The following JAM2 variants were observed in gnomAD, a reference collection of about 807,000 sequenced individuals.
JAM2 encodes the protein junctional adhesion molecule 2.
JAM2 carries 17 observed loss-of-function variants against 42.0 expected under a neutral mutation model. That is an observed-to-expected ratio of 0.40 (90% confidence interval 0.28 to 0.61). The LOEUF is 0.61. Among genes scored for constraint, JAM2 ranks in the 20% least tolerant of loss-of-function variants. The pLI is 0.37. For missense variants in JAM2, 319 were observed against 358.3 expected, an observed-to-expected ratio of 0.89 and a Z score of 0.89; for synonymous variants, 118 against 128.6, an observed-to-expected ratio of 0.92 and a Z score of 0.56.
At chr21:25,695,133 C>A (rs949837120) in intron 4 of JAM2, among the ~76,000 whole-genome samples, 5 of 152,068 alleles carry the variant, frequency 3.3e-5, no homozygotes, top group African/African-American at 9.7e-5. Context: ...TGCGGCCTTC[C>A]GCAGTGTTTG....
At chr21:25,705,875 G>A (rs2034259888) in intron 6 of JAM2, 104 bp from the exon 7 acceptor site, 1 of 748,128 alleles carries the variant, frequency 1.3e-6, no homozygotes, top group Non-Finnish European at 2.4e-6. Context: ...TATGCTTTAT[G>A]ATATAGCTGC....
intron 6 of JAM2, among the ~76,000 whole-genome samples, chr21:25,704,917 G>C (rs1164440472): frequency 6.6e-6 from 1 of 152,170 alleles, no homozygotes; most frequent in Non-Finnish European, 1.5e-5. Context: ...GAAATGTTAA[G>C]CTTGGAAGGT....
At chr21:25,705,438 A>G (rs2034251829) in intron 6 of JAM2, among the ~76,000 whole-genome samples, 2 of 151,912 alleles carry the variant, frequency 1.3e-5, no homozygotes, top group Non-Finnish European at 2.9e-5. Flanking sequence ...GATTCTTGCT[A>G]TGTTGCCTAG....
At chr21:25,664,297 G>A (rs936847864) in intron 1 of JAM2, among the ~76,000 whole-genome samples, 3 of 151,900 alleles carry the variant, frequency 2.0e-5, no homozygotes, top group Non-Finnish European at 4.4e-5. Flanking sequence ...GTGCAGTGGC[G>A]TGATCTCGGC....
intron 1 of JAM2, among the ~76,000 whole-genome samples, chr21:25,658,204 G>A (rs1225334895): frequency 6.6e-6 from 1 of 151,978 alleles, no homozygotes; most frequent in Non-Finnish European, 1.5e-5. Flanking sequence ...AATAGAAATT[G>A]ATAAAATGCA....
At chr21:25,670,194 T>C (rs1431743402) in intron 1 of JAM2, among the ~76,000 whole-genome samples, 1 of 152,140 alleles carries the variant, frequency 6.6e-6, no homozygotes, top group East Asian at 1.9e-4. Flanking sequence ...TTTCAAAAAT[T>C]TGACCTTGGC....
intron 1 of JAM2, among the ~76,000 whole-genome samples, chr21:25,677,589 G>T (rs1260797728): frequency 1.3e-5 from 2 of 152,142 alleles, no homozygotes; most frequent in Non-Finnish European, 2.9e-5. Flanking sequence ...ACTAAAGTTT[G>T]CCTGAAATGA....
At chr21:25,682,178 C>T (rs58083384) in intron 1 of JAM2, among the ~76,000 whole-genome samples, 16,366 of 152,144 alleles carry the variant, frequency 0.11, 1,008 homozygotes, top group East Asian at 0.29. Flanking sequence ...CTATAACAGG[C>T]GACAGACTTG....
intron 1 of JAM2, among the ~76,000 whole-genome samples, chr21:25,647,595 A>G (rs1484280856): frequency 6.6e-6 from 1 of 152,208 alleles, no homozygotes; most frequent in African/African-American, 2.4e-5. Flanking sequence ...AGTGGGAGCT[A>G]TTTTCTAACT....
intron 8 of JAM2, chr21:25,711,225 C>T (rs539310072): frequency 6.8e-6 from 2 of 294,814 alleles, no homozygotes; most frequent in Admixed American, 4.7e-5. Context: ...TTATCAGTAA[C>T]TGAATATTCA....
chr21:25,717,561 T>C lies in JAM2; in HGVS notation c.*2889T>C. 21 of 1,392,382 alleles carry C rather than the reference T, an allele frequency of 1.5e-5. No homozygotes were observed. The highest frequency in any genetic ancestry group is 2.0e-5 in the Non-Finnish European group (21 of 1,061,488). The allele number at this position is 1,392,382 out of a possible 1,614,324, so 86.3% of individuals were successfully genotyped here. A position where few individuals can be genotyped will look rare whatever the true frequency, so the allele number is the denominator to read the frequency against. Reference sequence around the variant, plus strand: ...CGATTAAAGTCTACACTAATAAAAATAGCTGAACTTGTTAAACTTTTTAGC... The same window carrying C: ...CGATTAAAGTCTACACTAATAAAAACAGCTGAACTTGTTAAACTTTTTAGC... On this transcript the variant is annotated 3_prime_UTR_variant, in exon 10 of 10. Coordinates refer to ENST00000480456, the MANE Select transcript of JAM2 (RefSeq NM_021219.4).
chr21:25,664,304 C>T (rs770662171), intron 1 of JAM2, among the ~76,000 whole-genome samples: 5 of 152,006 alleles, frequency 3.3e-5, no homozygotes, highest in Non-Finnish European at 7.4e-5. Context: ...GGCGTGATCT[C>T]GGCTCACCAC....
At chr21:25,650,211 G>A (rs538337080) in intron 1 of JAM2, among the ~76,000 whole-genome samples, 4 of 152,314 alleles carry the variant, frequency 2.6e-5, no homozygotes, top group South Asian at 4.1e-4. Context: ...CCATTGTAGA[G>A]CCTGATAAAG....
At chr21:25,656,472 C>A (rs866364665) in intron 1 of JAM2, among the ~76,000 whole-genome samples, 4 of 152,150 alleles carry the variant, frequency 2.6e-5, no homozygotes, top group Admixed American at 2.6e-4. Context: ...GTTCCTTTAG[C>A]CTTGAAGACC....
intron 5 of JAM2, among the ~76,000 whole-genome samples, chr21:25,700,533 G>A (rs1474133448): frequency 6.6e-6 from 1 of 152,088 alleles, no homozygotes; most frequent in Non-Finnish European, 1.5e-5. Context: ...GCAAATTTTT[G>A]TATTTTTAGT....
intron 1 of JAM2, among the ~76,000 whole-genome samples, chr21:25,672,041 G>A (rs1050673630): frequency 6.6e-6 from 1 of 152,074 alleles, no homozygotes; most frequent in Non-Finnish European, 1.5e-5. Context: ...CGTGGGAGGT[G>A]GAGAGAGTTT....
intron 1 of JAM2, among the ~76,000 whole-genome samples, chr21:25,679,961 T>G (rs749430234): frequency 6.6e-6 from 1 of 152,212 alleles, no homozygotes; most frequent in Non-Finnish European, 1.5e-5. Context: ...TGGCCATGTT[T>G]CTTACTCTCT....
Position 25,639,852 on chromosome 21 carries a change from C to A in JAM2, c.31C>A (p.Leu11Met), listed in dbSNP as rs761489000. Residue 11 changes from leucine to methionine, a missense_variant, in exon 1 of 10, where the codon CTG (leucine) becomes ATG (methionine). Coordinates refer to ENST00000480456, the MANE Select transcript of JAM2 (RefSeq NM_021219.4). ...GAGGAGGAGCCGCCACCGCCTCCTC[C>A]TGCTGCTGCTGCGCTACCTGGTGGT... is the stretch of plus-strand genomic sequence containing the variant. MARRSRHRLL[L>M]LLLRYLVVAL... 6.3e-7 allele frequency: 1 copy of A among 1,582,524 alleles called. No individual in the cohort carries two copies. Among genetic ancestry groups the A allele is most frequent in the Non-Finnish European group, 8.6e-7 (1 of 1,164,530 alleles).
chr21:25,650,023 C>G (rs1459894365), intron 1 of JAM2, among the ~76,000 whole-genome samples: 2 of 152,196 alleles, frequency 1.3e-5, no homozygotes, highest in Non-Finnish European at 2.9e-5. Flanking sequence ...CCCATGAGAA[C>G]AAGAACTCAT....
Sources: allele counts gnomAD v4.1 joint callset (sites outside exome capture counted in the v4.1 genomes callset), GRCh38; gene constraint gnomAD v4.1.1; transcripts MANE v1.5; gene names NCBI Gene and HGNC (gene_info 2026-07-23, HGNC 2026-07-21).